NXPE2: variants seen among roughly 807,000 people sequenced by gnomAD.
NXPE2 encodes neurexophilin and PC-esterase domain family member 2, also known as NXPE family member 2.
NXPE2 carries 34 observed loss-of-function variants against 34.4 expected under a neutral mutation model. The observed-to-expected ratio is 0.99, with a 90% confidence interval of 0.75 to 1.31. The LOEUF is 1.31. Among genes scored for constraint, NXPE2 ranks in the 40% most tolerant of loss-of-function variants. The pLI, the probability that NXPE2 is intolerant of heterozygous loss-of-function variation, is 0.00. For synonymous variants in NXPE2, 235 were observed against 231.3 expected (o/e 1.02, Z -0.15); for missense variants, 649 against 672.5 (o/e 0.97, Z 0.39).
the NXPE2 span, among the ~76,000 whole-genome samples, chr11:114,475,081 G>A: frequency 6.6e-6 from 1 of 151,994 alleles, no homozygotes; most frequent in African/African-American, 2.4e-5. Context: ...AAACTTAGGA[G>A]AAATGTGAAC....
the NXPE2 span, among the ~76,000 whole-genome samples, chr11:114,773,669 G>C: frequency 7.8e-6 from 1 of 127,950 alleles, no homozygotes; most frequent in Non-Finnish European, 1.6e-5. Flanking sequence ...CTGTGGGATT[G>C]TTTACAGATA....
chr11:114,675,980 C>T (rs1213095297), upstream of NXPE2, among the ~76,000 whole-genome samples: 1 of 151,820 alleles, frequency 6.6e-6, no homozygotes, highest in East Asian at 1.9e-4. Flanking sequence ...GACAAAGGTG[C>T]CAAAAGCACA....
downstream of NXPE2, among the ~76,000 whole-genome samples, chr11:114,709,940 G>A (rs188437108): frequency 9.9e-5 from 15 of 151,754 alleles, no homozygotes; most frequent in African/African-American, 1.4e-4. Context: ...ATCGATAGCC[G>A]AAAGAAAATA....
the NXPE2 span, among the ~76,000 whole-genome samples, chr11:114,552,606 G>T: frequency 6.6e-6 from 1 of 151,716 alleles, no homozygotes; most frequent in South Asian, 2.1e-4. Context: ...CAATCAAGGG[G>T]CTACTCTGAC....
chr11:114,708,934 A>C (rs1859556525), downstream of NXPE2, among the ~76,000 whole-genome samples: 1 of 152,314 alleles, frequency 6.6e-6, no homozygotes, highest in East Asian at 1.9e-4. Context: ...CTTCACATGC[A>C]CTGAAGTTTG....
intron 2 of NXPE2, among the ~76,000 whole-genome samples, chr11:114,682,797 C>T (rs967981767): frequency 1.3e-5 from 2 of 151,636 alleles, no homozygotes; most frequent in African/African-American, 2.4e-5. Context: ...TCCTTTAGAC[C>T]TTTAAGAAAA....
the NXPE2 span, among the ~76,000 whole-genome samples, chr11:114,592,710 C>T: frequency 6.6e-6 from 1 of 152,042 alleles, no homozygotes; most frequent in African/African-American, 2.4e-5. Context: ...AAAGAAGATC[C>T]AGAATAGCCA....
the NXPE2 span, among the ~76,000 whole-genome samples, chr11:114,493,409 T>C: frequency 1.3e-5 from 2 of 152,264 alleles, no homozygotes; most frequent in African/African-American, 4.8e-5. Flanking sequence ...CCCGTCTTCA[T>C]GTCTTCCTTT....
chr11:114,475,226 G>GTTTTTTTTTTTTTTTTT, the NXPE2 span, among the ~76,000 whole-genome samples: 19 of 88,070 alleles, frequency 2.2e-4, 2 homozygotes, highest in African/African-American at 4.5e-4. Context: ...AATGTGAACT[G>GTTTTTTTTTTTTTTTTT]TTTTTTTTTT....
chr11:114,683,816 A>T (rs993821865), intron 2 of NXPE2, among the ~76,000 whole-genome samples: 1 of 152,220 alleles, frequency 6.6e-6, no homozygotes, highest in Non-Finnish European at 1.5e-5. Context: ...GTGAGAGGTA[A>T]TGGTGGCCTG....
the NXPE2 span, among the ~76,000 whole-genome samples, chr11:114,809,169 A>C: frequency 1.9e-4 from 29 of 152,048 alleles, no homozygotes; most frequent in Non-Finnish European, 3.5e-4. Flanking sequence ...ACTCTCAATA[A>C]ATTAGGTATT....
the NXPE2 span, among the ~76,000 whole-genome samples, chr11:114,632,868 A>T: frequency 1.2e-5 from 1 of 84,686 alleles, no homozygotes; most frequent in Non-Finnish European, 2.0e-5. Context: ...TATAATATAT[A>T]ATTATATAAT....
At chr11:114,702,920 C>G (rs1301110106) in intron 3 of NXPE2, among the ~76,000 whole-genome samples, 2 of 152,240 alleles carry the variant, frequency 1.3e-5, no homozygotes, top group East Asian at 1.9e-4. Context: ...TTCTCTATCC[C>G]TTTTGAAGGT....
At chr11:114,579,019 C>A in the NXPE2 span, among the ~76,000 whole-genome samples, 1 of 152,044 alleles carries the variant, frequency 6.6e-6, no homozygotes, top group South Asian at 2.1e-4. Context: ...TAAAGGAATA[C>A]CTGAGGCTGG....
chr11:114,781,981 C>T, the NXPE2 span, among the ~76,000 whole-genome samples: 1 of 152,144 alleles, frequency 6.6e-6, no homozygotes. Context: ...AGTCGTCCCT[C>T]GGTATCCGTG....
At chr11:114,650,063 C>T in the NXPE2 span, among the ~76,000 whole-genome samples, 1 of 152,020 alleles carries the variant, frequency 6.6e-6, no homozygotes, top group African/African-American at 2.4e-5. Flanking sequence ...CTGCTTCCAC[C>T]CTAACAATGA....
the NXPE2 span, among the ~76,000 whole-genome samples, chr11:114,794,859 C>G: frequency 6.6e-6 from 1 of 151,336 alleles, no homozygotes; most frequent in Non-Finnish European, 1.5e-5. Context: ...CCGCCCCCCC[C>G]AACCCCATCC....
rs760559531 is a variant in NXPE2 at position 114,706,783 on chromosome 11, T to A, written c.1533T>A (p.Asn511Lys). The change falls in exon 6 of 6, where the codon AAT becomes AAA. Residue 511 changes from asparagine to lysine, a missense_variant. Physicochemically the swap from Asn to Lys is moderately conservative, Grantham distance 94. Coordinates refer to ENST00000389586, the MANE Select transcript of NXPE2 (RefSeq NM_182495.6). ...GTGACTTTCATGGCTATATTCAGAA[T>A]CTTATCATAAGAGATATTTTTGTGG... Reference protein sequence around the residue: ...MFSDFHGYIQNLIIRDIFVDL... With the variant: ...MFSDFHGYIQKLIIRDIFVDL... 6.4e-7 allele frequency: 1 copy of A among 1,552,402 alleles called. No homozygotes were observed.
At chr11:114,540,885 T>TTTTTG in the NXPE2 span, among the ~76,000 whole-genome samples, 8 of 81,290 alleles carry the variant, frequency 9.8e-5, 3 homozygotes, top group South Asian at 4.0e-4. Flanking sequence ...TTTTTTTTTT[T>TTTTTG]GGCTTGAACA....
Sources: allele counts gnomAD v4.1 joint callset (sites outside exome capture counted in the v4.1 genomes callset), GRCh38; gene constraint gnomAD v4.1.1; transcripts MANE v1.5; gene names NCBI Gene and HGNC (gene_info 2026-07-23, HGNC 2026-07-21).